The following ZCCHC10 variants were observed in gnomAD, a reference collection of about 807,000 sequenced individuals.
The protein encoded by ZCCHC10 is zinc finger CCHC domain-containing protein 10.
ZCCHC10 carries 16 observed loss-of-function variants against 19.5 expected under a neutral mutation model. The observed-to-expected ratio is 0.82, with a 90% CI of 0.56 to 1.25. The LOEUF (loss-of-function observed/expected upper bound fraction) is 1.25. Ranked by LOEUF, ZCCHC10 falls within the 50% of genes most tolerant of loss-of-function variation. The probability of loss-of-function intolerance (pLI) is 0.00; values close to 1 mark genes in which losing one functional copy is unlikely to be tolerated. For missense variants in ZCCHC10, 197 were observed against 201.0 expected (o/e 0.98, Z 0.12); for synonymous variants, 67 against 72.5 (o/e 0.92, Z 0.38).
At chr5:133,007,839 C>A (rs1446230646) in intron 2 of ZCCHC10, among the ~76,000 whole-genome samples, 1 of 152,162 alleles carries the variant, frequency 6.6e-6, no homozygotes, top group East Asian at 1.9e-4. Flanking sequence ...CTCCTCAATT[C>A]TGTTCCAGTT....
intron 2 of ZCCHC10, among the ~76,000 whole-genome samples, chr5:133,020,418 T>G (rs746831436): frequency 2.0e-5 from 3 of 151,966 alleles, no homozygotes; most frequent in Non-Finnish European, 2.9e-5. Flanking sequence ...TACTCCAGCC[T>G]GGGCCACAGA....
chr5:133,023,391 C>T (rs1180203248), intron 1 of ZCCHC10, among the ~76,000 whole-genome samples: 2 of 151,418 alleles, frequency 1.3e-5, no homozygotes, highest in African/African-American at 2.4e-5. Flanking sequence ...GTTAAGTCTC[C>T]GAAAGATCTA....
intron 2 of ZCCHC10, among the ~76,000 whole-genome samples, chr5:133,021,227 C>T (rs1454697570): frequency 1.3e-5 from 2 of 152,090 alleles, no homozygotes; most frequent in Non-Finnish European, 2.9e-5. Flanking sequence ...GACAGGGTTT[C>T]ACCGTGTTAG....
At chr5:133,016,345 A>G (rs1267438981) in intron 2 of ZCCHC10, among the ~76,000 whole-genome samples, 1 of 152,210 alleles carries the variant, frequency 6.6e-6, no homozygotes, top group Admixed American at 6.5e-5. Flanking sequence ...ATGATTTCAC[A>G]CTGATAATTT....
chr5:133,024,254 T>C (rs1764521847), intron 1 of ZCCHC10, among the ~76,000 whole-genome samples: 1 of 152,236 alleles, frequency 6.6e-6, no homozygotes, highest in Non-Finnish European at 1.5e-5. Context: ...TGCATTCATT[T>C]AACTCCTCTG....
intron 3 of ZCCHC10, among the ~76,000 whole-genome samples, chr5:133,005,232 G>A (rs961345872): frequency 6.6e-6 from 1 of 152,054 alleles, no homozygotes; most frequent in Non-Finnish European, 1.5e-5. Context: ...GGAAGCAGAG[G>A]TCGAAGTGAG....
At position 133,022,849 on chromosome 5, in the gene ZCCHC10, G is replaced by A. The variant is rs1416895103; in HGVS notation, c.99C>T (p.Ile33=). Residue 33 remains isoleucine, a synonymous_variant, in exon 2 of 5, where the codon ATC becomes ATT. Transcript: ENST00000509437. The stretch of plus-strand genomic sequence containing the variant: ...AAAGCTGAGAGGGATACCTAATAAC[G>A]ATGGATGGCTGAATCAGGATCCAAA... ...KTFWILIQPS[I]VISEANKQHV... The A allele has an allele frequency of 2.6e-5, 16 of 609,334 alleles. No individual in the cohort carries two copies. The highest frequency in any genetic ancestry group is 4.4e-5 in the Non-Finnish European group (15 of 344,502). The allele number at this position is 609,334 out of a possible 1,614,324, so 37.7% of individuals were successfully genotyped here.
chr5:133,003,973 G>A (rs1190140199), intron 3 of ZCCHC10, among the ~76,000 whole-genome samples: 1 of 152,126 alleles, frequency 6.6e-6, no homozygotes, highest in African/African-American at 2.4e-5. Flanking sequence ...GCCTCCCATA[G>A]TGCTGGAATT....
chr5:133,013,910 A>C (rs1199993277), intron 2 of ZCCHC10, among the ~76,000 whole-genome samples: 3 of 152,126 alleles, frequency 2.0e-5, no homozygotes, highest in Admixed American at 2.0e-4. Flanking sequence ...AAGTATACCA[A>C]AAAATATTTA....
intron 1 of ZCCHC10, among the ~76,000 whole-genome samples, chr5:133,026,205 A>G (rs561669035): frequency 6.6e-6 from 1 of 152,328 alleles, no homozygotes; most frequent in South Asian, 2.1e-4. Flanking sequence ...GCGGAGGGGC[A>G]TAAATCACTG....
At chr5:133,002,597 T>G (rs1335667452) in intron 3 of ZCCHC10, among the ~76,000 whole-genome samples, 1 of 152,172 alleles carries the variant, frequency 6.6e-6, no homozygotes, top group Non-Finnish European at 1.5e-5. Flanking sequence ...TCTGGAAAAC[T>G]CATACTTGCA....
rs1015482274 is a variant in ZCCHC10, at chr5:133,018,958, C to T, written c.107+3883G>A. On this transcript the variant is annotated intron_variant, in intron 2 of 4. Transcript: ENST00000509437. ...GGTGGGGGTCCATAGTCTTCTTTTCCAAGCTTATAGGTTGTTTTCTCCATA... is the reference window on the plus strand; with the variant it reads ...GGTGGGGGTCCATAGTCTTCTTTTCTAAGCTTATAGGTTGTTTTCTCCATA... 3 of 350,068 alleles carry T rather than the reference C, an allele frequency of 8.6e-6. No homozygotes were observed. The Admixed American group carries it at 1.2e-4, about 14-fold the overall frequency. 21.7% of individuals were successfully genotyped at this position (350,068 alleles called of 1,614,324 possible).
intron 2 of ZCCHC10, among the ~76,000 whole-genome samples, chr5:133,013,197 G>C (rs1435691579): frequency 4.0e-5 from 6 of 148,820 alleles, no homozygotes; most frequent in Admixed American, 1.3e-4. Flanking sequence ...GGCACAGATT[G>C]CAGTGAGCCG....
chr5:133,007,010 A>T (rs1763165173), intron 2 of ZCCHC10, 90 bp from the exon 3 acceptor site: 1 of 1,254,876 alleles, frequency 8.0e-7, no homozygotes, highest in Admixed American at 3.0e-5. Context: ...GGATAAAATT[A>T]TGTTTACTCT....
At chr5:133,018,710 C>A (rs554844604) in intron 2 of ZCCHC10, among the ~76,000 whole-genome samples, 1 of 152,128 alleles carries the variant, frequency 6.6e-6, no homozygotes, top group Non-Finnish European at 1.5e-5. Flanking sequence ...GTCCAGCCTG[C>A]GCTGCATTTT....
At chr5:133,001,440 T>G (rs1762769289) in intron 3 of ZCCHC10, among the ~76,000 whole-genome samples, 1 of 151,916 alleles carries the variant, frequency 6.6e-6, no homozygotes, top group Admixed American at 6.6e-5. Flanking sequence ...CAATTAATTC[T>G]ATCACCACTG....
intron 2 of ZCCHC10, chr5:133,019,204 C>CA: frequency 6.2e-6 from 2 of 320,458 alleles, no homozygotes; most frequent in South Asian, 2.3e-5. Flanking sequence ...AACACTGTCT[C>CA]TAAAAAAAAA....
At position 132,998,478 on chromosome 5, in the gene ZCCHC10, GA is replaced by G; in HGVS notation, c.*104del. 2.1e-6 allele frequency: 2 copies of G among 975,348 alleles called. No individual in the cohort carries two copies. Among genetic ancestry groups the G allele is most frequent in the Non-Finnish European group, 3.0e-6 (2 of 670,290 alleles). The allele number at this position is 975,348 out of a possible 1,614,324, so 60.4% of individuals were successfully genotyped here. A position where few individuals can be genotyped will look rare whatever the true frequency, so the allele number is the denominator to read the frequency against. ...AACATTTAGAAACTTTTGAATTCTA[GA>G]AATGTTCACCAGTTAACCTACTTGG... On this transcript the variant is annotated 3_prime_UTR_variant, in exon 5 of 5. Transcript: ENST00000509437.
chr5:133,010,304 C>T (rs1262009067), intron 2 of ZCCHC10, among the ~76,000 whole-genome samples: 3 of 152,102 alleles, frequency 2.0e-5, no homozygotes, highest in African/African-American at 7.2e-5. Context: ...TTGCCTCAGC[C>T]TCACAAAGTG....
Sources: allele counts gnomAD v4.1 joint callset (sites outside exome capture counted in the v4.1 genomes callset), GRCh38; gene constraint gnomAD v4.1.1; transcripts MANE v1.5; gene names NCBI Gene and HGNC (gene_info 2026-07-23, HGNC 2026-07-21).